The following MTHFD2L variants were observed in gnomAD, a reference collection of about 807,000 sequenced individuals.
MTHFD2L encodes the protein methylenetetrahydrofolate dehydrogenase (NADP+ dependent) 2 like, also known as bifunctional methylenetetrahydrofolate dehydrogenase/cyclohydrolase 2, mitochondrial.
MTHFD2L carries 29 observed loss-of-function variants against 34.9 expected under a neutral mutation model. The ratio of observed to expected loss-of-function variants is 0.83; its 90% CI spans 0.62 to 1.13. The LOEUF (loss-of-function observed/expected upper bound fraction) is 1.13, where lower values mean the gene tolerates loss of function less well. MTHFD2L is among the 50% of genes most tolerant of loss of function. The pLI, the probability that MTHFD2L is intolerant of heterozygous loss-of-function variation, is 0.00. For synonymous variants in MTHFD2L, 167 were observed against 155.7 expected (o/e 1.07, Z -0.54); for missense variants, 481 against 446.5 (o/e 1.08, Z -0.70).
At chr4:74,128,164 A>T (rs987745306) in intron 1 of MTHFD2L, among the ~76,000 whole-genome samples, 2 of 152,008 alleles carry the variant, frequency 1.3e-5, no homozygotes, top group Admixed American at 6.6e-5. Context: ...TGTGAAATGG[A>T]TAGTTTATAA....
At chr4:74,279,429 A>T (rs1747137515) in intron 6 of MTHFD2L, among the ~76,000 whole-genome samples, 1 of 152,008 alleles carries the variant, frequency 6.6e-6, no homozygotes, top group African/African-American at 2.4e-5. Context: ...TATTTTCCAA[A>T]TTTTCTACAG....
chr4:74,251,108 A>G (rs1743246699), intron 6 of MTHFD2L, among the ~76,000 whole-genome samples: 1 of 152,224 alleles, frequency 6.6e-6, no homozygotes, highest in Non-Finnish European at 1.5e-5. Flanking sequence ...TCTAAGATCT[A>G]AGATGAACTC....
chr4:74,198,044 A>AT (rs1733783877), intron 3 of MTHFD2L, among the ~76,000 whole-genome samples: 1 of 152,150 alleles, frequency 6.6e-6, no homozygotes, highest in Non-Finnish European at 1.5e-5. Context: ...TCTGCTATAC[A>AT]TTTTGTATGT....
At chr4:74,273,604 T>G (rs917733196) in intron 6 of MTHFD2L, among the ~76,000 whole-genome samples, 2 of 152,192 alleles carry the variant, frequency 1.3e-5, no homozygotes, top group Non-Finnish European at 2.9e-5. Flanking sequence ...CTTGAAAATG[T>G]CTATTATAAT....
intron 1 of MTHFD2L, among the ~76,000 whole-genome samples, chr4:74,166,687 C>T (rs1451081481): frequency 3.3e-5 from 5 of 151,994 alleles, no homozygotes; most frequent in Admixed American, 1.3e-4. Context: ...GTAGGCCAGT[C>T]CTTGCAGACC....
intron 1 of MTHFD2L, among the ~76,000 whole-genome samples, chr4:74,152,749 G>A (rs1473362141): frequency 1.3e-5 from 2 of 151,960 alleles, no homozygotes; most frequent in Non-Finnish European, 1.5e-5. Flanking sequence ...CGTTCAACTC[G>A]CGCTTATGCA....
chr4:74,156,981 T>A (rs892482652), upstream of MTHFD2L: 1 of 152,220 alleles, frequency 6.6e-6, no homozygotes, highest in African/African-American at 2.4e-5. Context: ...TTGCGAATAT[T>A]TTCTCCCAGT....
At chr4:74,202,542 C>T (rs764708783) in intron 5 of MTHFD2L, among the ~76,000 whole-genome samples, 6 of 152,248 alleles carry the variant, frequency 3.9e-5, no homozygotes, top group Admixed American at 6.5e-5. Context: ...GGGCATTGTT[C>T]GTGGTTGTCT....
At chr4:74,160,736 T>A (rs763376095) in intron 1 of MTHFD2L, 2 of 152,272 alleles carry the variant, frequency 1.3e-5, no homozygotes, top group Non-Finnish European at 2.9e-5. Flanking sequence ...TTTGAGGAGT[T>A]TACAAATCAA....
intron 1 of MTHFD2L, among the ~76,000 whole-genome samples, chr4:74,125,930 AAGTT>A (rs975027104): frequency 2.0e-5 from 3 of 152,176 alleles, no homozygotes; most frequent in African/African-American, 4.8e-5. Flanking sequence ...AAGTGAATAA[AAGTT>A]AGAGCTATAG....
At chr4:74,245,097 A>C (rs189168685) in intron 6 of MTHFD2L, among the ~76,000 whole-genome samples, 2,193 of 147,284 alleles carry the variant, frequency 0.015, 64 homozygotes, top group African/African-American at 0.052. Flanking sequence ...CTGGAGGCTG[A>C]GGCAGGAGAA....
At chr4:74,143,581 CT>C in intron 1 of MTHFD2L, 3 of 270,846 alleles carry the variant, frequency 1.1e-5, no homozygotes, top group Non-Finnish European at 1.7e-5. Context: ...TCCTACTTTC[CT>C]TTTATACATT....
chr4:74,300,567 C>G (rs564884672), intron 7 of MTHFD2L, among the ~76,000 whole-genome samples: 1 of 152,118 alleles, frequency 6.6e-6, no homozygotes, highest in African/African-American at 2.4e-5. Context: ...TCTATGCTAA[C>G]TTTTTACTAA....
At chr4:74,125,678 A>G (rs1722017056) in intron 1 of MTHFD2L, among the ~76,000 whole-genome samples, 1 of 152,178 alleles carries the variant, frequency 6.6e-6, no homozygotes, top group African/African-American at 2.4e-5. Context: ...CAATGATAGA[A>G]AAAATGCTAG....
upstream of MTHFD2L, chr4:74,158,114 G>A: frequency 6.5e-7 from 1 of 1,530,248 alleles, no homozygotes; most frequent in African/African-American, 1.4e-5. Flanking sequence ...TGGAGCCCCA[G>A]TCCGGAAGCC....
chr4:74,136,322 A>G (rs1722926797), intron 1 of MTHFD2L, among the ~76,000 whole-genome samples: 2 of 152,088 alleles, frequency 1.3e-5, no homozygotes, highest in African/African-American at 4.8e-5. Context: ...TAGTGTTTCT[A>G]CACACCAAGA....
rs557836238 is a variant in MTHFD2L at position 74,158,196 on chromosome 4, G to T, written c.58G>T (p.Ala20Ser). 9 of 1,525,864 alleles carry T rather than the reference G, an allele frequency of 5.9e-6. No homozygotes were observed. The African/African-American group carries it at 1.2e-4, about 21-fold the overall frequency. 94.5% of individuals were successfully genotyped at this position (1,525,864 alleles called of 1,614,324 possible). A position where few individuals can be genotyped will look rare whatever the true frequency, so the allele number is the denominator to read the frequency against. Residue 20 changes from alanine (A) to serine (S), a missense_variant, in exon 1 of 8, where the codon GCG (alanine) becomes TCG (serine). Coordinates refer to ENST00000325278, the MANE Select transcript of MTHFD2L (RefSeq NM_001144978.3). The stretch of plus-strand genomic sequence containing the variant: ...CCGCGGCCGCCTTGGCCGAGCGCCG[G>T]CGTTGGGCAGAAGCACAGCACCCTC... ...LLRGRLGRAP[A>S]LGRSTAPSVR...
upstream of MTHFD2L, among the ~76,000 whole-genome samples, chr4:74,121,328 T>C (rs1578212357): frequency 6.6e-6 from 1 of 152,066 alleles, no homozygotes; most frequent in Non-Finnish European, 1.5e-5. Context: ...CCATACATTC[T>C]GGATTAAAGT....
At chr4:74,132,902 T>A (rs1412367566) in intron 1 of MTHFD2L, among the ~76,000 whole-genome samples, 1 of 152,196 alleles carries the variant, frequency 6.6e-6, no homozygotes, top group Admixed American at 6.5e-5. Context: ...ACTAGAGTTA[T>A]GATTGGATTG....
Sources: gnomAD v4.1 joint callset for allele counts (sites outside exome capture counted in the v4.1 genomes callset) on GRCh38, gnomAD v4.1.1 for gene constraint, MANE v1.5 for transcripts, NCBI Gene and HGNC (gene_info 2026-07-23, HGNC 2026-07-21) for gene names.